Variants in PGM1 observed in about 807,000 individuals in gnomAD.
PGM1 encodes the protein phosphoglucomutase 1.
PGM1 carries 52 observed loss-of-function variants against 55.6 expected under a neutral mutation model. The observed-to-expected ratio is 0.94, with a 90% CI of 0.75 to 1.18. PGM1 has a LOEUF of 1.18. Ranked by LOEUF, PGM1 falls within the 50% of genes most tolerant of loss-of-function variation. The pLI is 0.00. For synonymous variants in PGM1, 287 were observed against 271.7 expected (o/e 1.06, Z -0.55); for missense variants, 724 against 729.3 (o/e 0.99, Z 0.08).
chr1:63,640,604 G>A (rs1649490022), intron 7 of PGM1, among the ~76,000 whole-genome samples: 1 of 152,044 alleles, frequency 6.6e-6, no homozygotes, highest in Admixed American at 6.6e-5. Flanking sequence ...GACCCATGTG[G>A]GAAGCCTTGG....
chr1:63,640,405 T>G (rs1226993770), intron 7 of PGM1, among the ~76,000 whole-genome samples: 1 of 152,226 alleles, frequency 6.6e-6, no homozygotes, highest in African/African-American at 2.4e-5. Flanking sequence ...GTTTTGGATA[T>G]TCACAATGAT....
At chr1:63,655,805 AG>A (rs1649948991) in intron 10 of PGM1, 2 of 152,632 alleles carry the variant, frequency 1.3e-5, no homozygotes, top group Non-Finnish European at 2.9e-5. Flanking sequence ...AAGCTGAGGC[AG>A]GAAGATCACT....
At chr1:63,619,563 C>T (rs745378607) in intron 1 of PGM1, among the ~76,000 whole-genome samples, 1 of 152,246 alleles carries the variant, frequency 6.6e-6, no homozygotes, top group Non-Finnish European at 1.5e-5. Context: ...CCATTCAAGG[C>T]ATCACTGCCA....
chr1:63,627,059 C>G (rs892355087), intron 1 of PGM1, among the ~76,000 whole-genome samples: 1 of 124,546 alleles, frequency 8.0e-6, no homozygotes, highest in Non-Finnish European at 1.7e-5. Flanking sequence ...CAGGACCCCC[C>G]CCCCCCCACA....
chr1:63,600,266 G>A (rs1648204587), intron 1 of PGM1: 1 of 152,300 alleles, frequency 6.6e-6, no homozygotes, highest in South Asian at 2.1e-4. Context: ...AATGCTCTTG[G>A]TGAAACATCT....
intron 1 of PGM1, among the ~76,000 whole-genome samples, chr1:63,621,930 G>A (rs1221504684): frequency 6.6e-6 from 1 of 152,084 alleles, no homozygotes; most frequent in East Asian, 1.9e-4. Flanking sequence ...GAGGGCAGTT[G>A]GCAGCTACCA....
intron 5 of PGM1, among the ~76,000 whole-genome samples, chr1:63,635,541 T>C (rs967588300): frequency 1.3e-5 from 2 of 152,246 alleles, no homozygotes; most frequent in African/African-American, 2.4e-5. Context: ...AGGGTGACTA[T>C]GTACCAGACA....
chr1:63,635,347 C>A (rs1021868426), intron 5 of PGM1, among the ~76,000 whole-genome samples: 3 of 152,306 alleles, frequency 2.0e-5, no homozygotes, highest in Admixed American at 2.0e-4. Flanking sequence ...TCTCAACCAG[C>A]AGCTGGCTAC....
intron 1 of PGM1, among the ~76,000 whole-genome samples, chr1:63,628,183 T>A (rs3819910): frequency 0.13 from 20,399 of 152,116 alleles, 1,386 homozygotes; most frequent in African/African-American, 0.17. Flanking sequence ...AATCATCGGT[T>A]TTGATTTCAC....
chr1:63,598,701 C>A (rs992336908), intron 1 of PGM1, among the ~76,000 whole-genome samples: 1 of 152,116 alleles, frequency 6.6e-6, no homozygotes, highest in Non-Finnish European at 1.5e-5. Context: ...ATTCATGGAT[C>A]CCATTGAATT....
chr1:63,633,935 T>A (rs1184714265), intron 4 of PGM1, among the ~76,000 whole-genome samples: 666 of 50,992 alleles, frequency 0.013, 95 homozygotes, highest in East Asian at 0.082. Context: ...TATATATATT[T>A]TTTTTTTTTT....
intron 1 of PGM1, among the ~76,000 whole-genome samples, chr1:63,627,932 C>T (rs1212244562): frequency 6.6e-6 from 1 of 152,164 alleles, no homozygotes; most frequent in Non-Finnish European, 1.5e-5. Context: ...TTTCCCCCAC[C>T]ATGGCCGCTA....
At position 63,659,605 on chromosome 1, in the gene PGM1, T is replaced by A. The variant is rs183520355; in HGVS notation, c.1619T>A (p.Ile540Asn). Residue 540 changes from isoleucine to asparagine, a missense_variant, in exon 11 of 11, where the codon ATT becomes AAT. Ile to Asn is a moderately radical substitution (Grantham distance 149). Transcript: ENST00000371084. ...QDPQVMLAPL[I>N]SIALKVSQLQ... ...CCTCAGGTCATGTTGGCCCCCCTTATTTCCATTGCTCTGAAAGTGTCCCAG... is the reference window on the plus strand; with the variant it reads ...CCTCAGGTCATGTTGGCCCCCCTTAATTCCATTGCTCTGAAAGTGTCCCAG... 1.2e-6 allele frequency: 2 copies of A among 1,613,956 alleles called. No individual in the cohort carries two copies. Among genetic ancestry groups the A allele is most frequent in the Non-Finnish European group, 1.7e-6 (2 of 1,179,902 alleles).
rs60609353 is a variant in PGM1, at chr1:63,633,932, ATTTTT to A, written c.683-872_683-868del. Among the ~76,000 whole-genome samples the A allele has an allele frequency of 1.7e-3, 61 of 35,356 alleles. 6 individuals carry two copies. Among genetic ancestry groups the A allele is most frequent in the African/African-American group, 8.5e-3 (52 of 6,096 alleles). The allele number at this position is 35,356 out of a possible 152,430, so 23.2% of individuals were successfully genotyped here. ...TGTGTGTGTGTGTATATATATATAT[ATTTTT>A]TTTTTTTTTTTTTTTTTTTTTTTTA... On this transcript the variant is annotated intron_variant, in intron 4 of 10. Coordinates refer to ENST00000371084, the MANE Select transcript of PGM1 (RefSeq NM_002633.3).
At position 63,607,793 on chromosome 1, in the gene PGM1, CTA is replaced by C. The variant is rs200968544; in HGVS notation, c.246+14061_246+14062del. ...AGTGCTCAAAGCATTTGAAACTCCTCTATGGGAATTATCTTTCAGCCAGTCAG... is the reference window on the plus strand; with the variant it reads ...AGTGCTCAAAGCATTTGAAACTCCTCTGGGAATTATCTTTCAGCCAGTCAG... On this transcript the variant is annotated intron_variant, in intron 1 of 10. Transcript: ENST00000371084. 7.9e-5 allele frequency among the ~76,000 whole-genome samples: 12 copies of C among 152,318 alleles called. No homozygotes were observed. In the East Asian group the frequency reaches 1.9e-3, roughly 24 times the overall value.
rs2749099 is a variant in PGM1 at position 63,659,477 on chromosome 1, T to G, written c.1600-109T>G. On this transcript the variant is annotated intron_variant, in intron 10 of 10. Coordinates refer to ENST00000371084, the MANE Select transcript of PGM1 (RefSeq NM_002633.3). ...GTGTTTGTTTTTGGATTTGTGGAGT[T>G]TGAGGAGCCTTGGAGACCTGGAAGT... 4.4e-3 allele frequency: 3,742 copies of G among 852,514 alleles called. 98 individuals are homozygous for G. In the African/African-American group the frequency reaches 0.056, roughly 13 times the overall value. The allele number at this position is 852,514 out of a possible 1,614,324, so 52.8% of individuals were successfully genotyped here.
At chr1:63,606,416 G>A (rs1239797294) in intron 1 of PGM1, among the ~76,000 whole-genome samples, 2 of 152,276 alleles carry the variant, frequency 1.3e-5, no homozygotes, top group Admixed American at 6.5e-5. Context: ...GGGCTGATGT[G>A]TGGCTCCATT....
chr1:63,632,550 T>C (rs915483657), intron 4 of PGM1, among the ~76,000 whole-genome samples: 5 of 152,196 alleles, frequency 3.3e-5, no homozygotes, highest in African/African-American at 1.2e-4. Context: ...TGGACTCCCA[T>C]AGAATGGATC....
chr1:63,608,506 A>C (rs1365463633), intron 1 of PGM1, among the ~76,000 whole-genome samples: 1 of 152,250 alleles, frequency 6.6e-6, no homozygotes, highest in Non-Finnish European at 1.5e-5. Flanking sequence ...CCCTGACTTC[A>C]GAGGCCAGAA....
Sources: gnomAD v4.1 joint callset for allele counts (sites outside exome capture counted in the v4.1 genomes callset) on GRCh38, gnomAD v4.1.1 for gene constraint, MANE v1.5 for transcripts, NCBI Gene and HGNC (gene_info 2026-07-23, HGNC 2026-07-21) for gene names.